ITGAV: variants seen among roughly 807,000 people sequenced by gnomAD.
ITGAV encodes the protein integrin subunit alpha V.
Under a neutral mutation model 143.8 loss-of-function variants are expected in ITGAV, and 76 were observed. The observed-to-expected ratio is 0.53, with a 90% CI of 0.44 to 0.64. The LOEUF (loss-of-function observed/expected upper bound fraction) is 0.64, where lower values mean the gene tolerates loss of function less well. ITGAV is among the 30% of genes least tolerant of loss of function. ITGAV has a pLI of 0.00. For missense variants in ITGAV, 1,193 were observed against 1,274.7 expected, an observed-to-expected ratio of 0.94 and a Z score of 0.98; for synonymous variants, 453 against 446.7, an observed-to-expected ratio of 1.01 and a Z score of -0.18.
intron 26 of ITGAV, among the ~76,000 whole-genome samples, chr2:186,672,999 G>A (rs558148615): frequency 1.3e-5 from 2 of 152,252 alleles, no homozygotes; most frequent in Admixed American, 6.5e-5. Flanking sequence ...CCAATACAAG[G>A]TCATGAAGAT....
At chr2:186,667,537 A>C (rs773574632) in intron 23 of ITGAV, 134 bp from the exon 24 acceptor site, 1 of 526,932 alleles carries the variant, frequency 1.9e-6, no homozygotes, top group East Asian at 2.9e-5. Flanking sequence ...TGTGTTCATT[A>C]GTTTTCTTTT....
intron 2 of ITGAV, among the ~76,000 whole-genome samples, chr2:186,615,679 C>A (rs549869182): frequency 6.7e-6 from 1 of 149,742 alleles, no homozygotes; most frequent in Non-Finnish European, 1.5e-5. Context: ...AGGAGTTTTT[C>A]GTTTTTTTTT....
chr2:186,600,819 CG>C (rs1559038086), intron 1 of ITGAV, among the ~76,000 whole-genome samples: 1 of 151,898 alleles, frequency 6.6e-6, no homozygotes, highest in Non-Finnish European at 1.5e-5. Flanking sequence ...ATTAGCCAGG[CG>C]TGGTGGTGGG....
rs144730038 is a variant in ITGAV, at chr2:186,674,360, G to C, written c.2707-1244G>C. Among the ~76,000 whole-genome samples, 1,026 of 151,996 alleles carry C rather than the reference G, an allele frequency of 6.8e-3. 10 individuals are homozygous for C. Among genetic ancestry groups the C allele is most frequent in the African/African-American group, 0.024 (975 of 41,450 alleles). On this transcript the variant is annotated intron_variant, in intron 26 of 29. Transcript: ENST00000261023. Reference sequence around the variant, plus strand: ...GTATACTGAAATATGACTCATATTTGCATATTGATCTTGTGTCCTGTACCT... The same window carrying C: ...GTATACTGAAATATGACTCATATTTCCATATTGATCTTGTGTCCTGTACCT...
chr2:186,592,414 TAGAG>T (rs1027644035), intron 1 of ITGAV, among the ~76,000 whole-genome samples: 5 of 152,134 alleles, frequency 3.3e-5, no homozygotes, highest in Admixed American at 6.5e-5. Context: ...GCCTGGGCGA[TAGAG>T]AGAGACTGTC....
intron 10 of ITGAV, among the ~76,000 whole-genome samples, chr2:186,639,865 A>G (rs1014544759): frequency 6.6e-6 from 1 of 152,176 alleles, no homozygotes; most frequent in Non-Finnish European, 1.5e-5. Flanking sequence ...ATAGGTGACT[A>G]AGGCCCATGA....
Position 186,619,852 on chromosome 2 carries a change from C to T in ITGAV, c.317-2487C>T, listed in dbSNP as rs796803688. Among the ~76,000 whole-genome samples, 17 of 152,016 alleles carry T rather than the reference C, an allele frequency of 1.1e-4. 1 individual carries two copies. Among genetic ancestry groups the T allele is most frequent in the African/African-American group, 3.4e-4 (14 of 41,466 alleles). On this transcript the variant is annotated intron_variant, in intron 2 of 29. Transcript: ENST00000261023. ...CTGAAAGTACAAAAAATTAGCTGGG[C>T]GTGGTGGCGTGTGCCTGTAATCCCA...
chr2:186,656,516 A>G, intron 17 of ITGAV, 115 bp downstream of exon 17: 1 of 751,348 alleles, frequency 1.3e-6, no homozygotes, highest in South Asian at 2.5e-5. Context: ...ACAGAAAAAT[A>G]CACAAAGGAA....
chr2:186,675,512 A>C, intron 26 of ITGAV, 92 bp from the exon 27 acceptor site: 1 of 829,336 alleles, frequency 1.2e-6, no homozygotes, highest in African/African-American at 1.7e-5. Context: ...CTCTTTGGCC[A>C]TCACACAAAA....
intron 1 of ITGAV, among the ~76,000 whole-genome samples, chr2:186,596,022 A>G (rs898514052): frequency 1.3e-5 from 2 of 152,122 alleles, no homozygotes; most frequent in African/African-American, 2.4e-5. Flanking sequence ...TAAGTTTTAC[A>G]TTTTCTACTC....
chr2:186,647,480 A>C (rs529500293), intron 13 of ITGAV, among the ~76,000 whole-genome samples: 1 of 151,954 alleles, frequency 6.6e-6, no homozygotes, highest in East Asian at 1.9e-4. Flanking sequence ...AAGCGATCCA[A>C]CTGCCGTGGC....
At chr2:186,671,855 A>G (rs542637762) in intron 26 of ITGAV, among the ~76,000 whole-genome samples, 1 of 151,560 alleles carries the variant, frequency 6.6e-6, no homozygotes, top group East Asian at 1.9e-4. Flanking sequence ...TTTCATACAT[A>G]TAGTATCATA....
At chr2:186,671,667 A>G (rs571469283) in intron 26 of ITGAV, among the ~76,000 whole-genome samples, 1 of 152,176 alleles carries the variant, frequency 6.6e-6, no homozygotes, top group South Asian at 2.1e-4. Flanking sequence ...TAAAGTGCAT[A>G]ATTTAGTGTT....
At chr2:186,663,913 AT>A (rs1688817858) in intron 19 of ITGAV, 78 bp downstream of exon 19, 2 of 936,700 alleles carry the variant, frequency 2.1e-6, no homozygotes, top group East Asian at 4.9e-5. Flanking sequence ...GGACTAACAT[AT>A]TTTAACGAGA....
intron 1 of ITGAV, among the ~76,000 whole-genome samples, chr2:186,593,460 TG>T (rs943608219): frequency 3.5e-4 from 26 of 73,926 alleles, no homozygotes; most frequent in Non-Finnish European, 4.3e-4. Context: ...ATTCGCATTC[TG>T]TTTTTTTTTC....
intron 2 of ITGAV, among the ~76,000 whole-genome samples, chr2:186,606,529 A>C (rs950949571): frequency 6.6e-6 from 1 of 152,058 alleles, no homozygotes; most frequent in African/African-American, 2.4e-5. Context: ...TCATGTCGCT[A>C]TTCCTCCCTT....
intron 5 of ITGAV, among the ~76,000 whole-genome samples, 187 bp downstream of exon 5, chr2:186,631,045 CTTATTT>C (rs1245338235): frequency 6.6e-6 from 1 of 152,068 alleles, no homozygotes; most frequent in Non-Finnish European, 1.5e-5. Flanking sequence ...GTAAACATTG[CTTATTT>C]GAAATAGGGA....
At chr2:186,612,254 GT>G (rs376013444) in intron 2 of ITGAV, among the ~76,000 whole-genome samples, 1 of 150,394 alleles carries the variant, frequency 6.6e-6, no homozygotes, top group Non-Finnish European at 1.5e-5. Context: ...TTAGTAATGT[GT>G]TTTTTTTTCC....
At position 186,638,434 on chromosome 2, in the gene ITGAV, T is replaced by C. The variant is rs756042949; in HGVS notation, c.872T>C (p.Met291Thr). 1 of 1,611,674 alleles carries C rather than the reference T, an allele frequency of 6.2e-7. No individual in the cohort carries two copies. Among genetic ancestry groups the C allele is most frequent in the South Asian group, 1.1e-5 (1 of 90,984 alleles). ...GTTTATATTTATGATGGGAAGAACA[T>C]GTCCTCCTTATACAATTTTACTGGC... ...GMVYIYDGKN[M>T]SSLYNFTGEQ... Residue 291 changes from methionine (M) to threonine (T), a missense_variant, in exon 10 of 30, where the codon ATG becomes ACG. Physicochemically the swap from Met to Thr is moderately conservative, Grantham distance 81 (BLOSUM62 -1). Coordinates refer to ENST00000261023, the MANE Select transcript of ITGAV (RefSeq NM_002210.5).
Sources: gnomAD v4.1 joint callset for allele counts (sites outside exome capture counted in the v4.1 genomes callset) on GRCh38, gnomAD v4.1.1 for gene constraint, MANE v1.5 for transcripts, NCBI Gene and HGNC (gene_info 2026-07-23, HGNC 2026-07-21) for gene names.